The following TMEM156 variants were observed in gnomAD, a reference collection of about 807,000 sequenced individuals.
TMEM156 encodes transmembrane protein 156.
A neutral mutation model predicts 30.5 loss-of-function variants in TMEM156; 28 were observed. The ratio of observed to expected loss-of-function variants is 0.92; its 90% confidence interval spans 0.68 to 1.26. The LOEUF (loss-of-function observed/expected upper bound fraction) is 1.26. TMEM156 is among the 50% of genes most tolerant of loss of function. TMEM156 has a pLI of 0.00. For synonymous variants in TMEM156, 137 were observed against 119.9 expected (o/e 1.14, Z -0.93); for missense variants, 351 against 340.6 (o/e 1.03, Z -0.24).
intron 1 of TMEM156, among the ~76,000 whole-genome samples, chr4:39,031,863 A>G (rs568860049): frequency 7.3e-6 from 1 of 137,760 alleles, no homozygotes; most frequent in East Asian, 2.2e-4. Flanking sequence ...AGCCTGAGCG[A>G]CAGAGACTCC....
chr4:38,984,997 C>CA (rs35466963), intron 5 of TMEM156, among the ~76,000 whole-genome samples: 57,667 of 151,318 alleles, frequency 0.38, 11,022 homozygotes, highest in East Asian at 0.46. Context: ...TATGGGTTGA[C>CA]GGGGGAACTA....
At chr4:38,982,446 G>A (rs980197911) in intron 5 of TMEM156, among the ~76,000 whole-genome samples, 3 of 152,148 alleles carry the variant, frequency 2.0e-5, no homozygotes, top group Non-Finnish European at 4.4e-5. Context: ...TCTACAAAGC[G>A]TACTATGCCT....
intron 3 of TMEM156, among the ~76,000 whole-genome samples, chr4:38,989,286 T>C (rs1262933120): frequency 6.6e-6 from 1 of 152,166 alleles, no homozygotes; most frequent in Non-Finnish European, 1.5e-5. Flanking sequence ...GACCACAACA[T>C]AGCAATCCCA....
At position 38,971,112 on chromosome 4, in the gene TMEM156, C is replaced by T; in HGVS notation, c.849G>A (p.Leu283=). 6.2e-7 allele frequency: 1 copy of T among 1,613,982 alleles called. No individual in the cohort carries two copies. Among genetic ancestry groups the T allele is most frequent in the Non-Finnish European group, 8.5e-7 (1 of 1,179,930 alleles). Residue 283 remains leucine, a synonymous_variant, in exon 6 of 7, where the codon TTG becomes TTA. Transcript: ENST00000381938. ...LSAETTQRLP[L]DQVQEVLPPI... is the part of the protein sequence containing the mutation. ...GGGGAAGCACTTCCTGGACTTGATC[C>T]AAAGGCAGCCTCTGCGTGGTCTCTG...
At chr4:38,996,723 T>C (rs1328770240) in intron 2 of TMEM156, among the ~76,000 whole-genome samples, 1 of 152,232 alleles carries the variant, frequency 6.6e-6, no homozygotes, top group East Asian at 1.9e-4. Flanking sequence ...AGAACCACCA[T>C]ATGATCCAGC....
chr4:38,987,793 C>T (rs747821449), intron 4 of TMEM156, among the ~76,000 whole-genome samples: 4 of 152,158 alleles, frequency 2.6e-5, no homozygotes, highest in Admixed American at 6.5e-5. Context: ...AAATAACTTG[C>T]TTAATGTCAC....
At chr4:38,983,429 T>C (rs963835669) in intron 5 of TMEM156, among the ~76,000 whole-genome samples, 5 of 152,172 alleles carry the variant, frequency 3.3e-5, no homozygotes, top group Non-Finnish European at 7.4e-5. Flanking sequence ...GACACAGTCT[T>C]GCTCTGTTAT....
intron 3 of TMEM156, among the ~76,000 whole-genome samples, chr4:38,990,834 T>TTTTTTTTTGTTTTGTTTTG (rs1560365305): frequency 8.5e-4 from 48 of 56,788 alleles, no homozygotes; most frequent in South Asian, 2.3e-3. Context: ...TTTCTGGTTT[T>TTTTTTTTTGTTTTGTTTTG]TTTTTTTTTT....
chr4:39,031,878 C>CA (rs1421953559), intron 1 of TMEM156, among the ~76,000 whole-genome samples: 20 of 46,688 alleles, frequency 4.3e-4, no homozygotes, highest in Non-Finnish European at 4.0e-4. Context: ...GACTCCATCT[C>CA]AAAAAAAAAA....
At chr4:39,008,679 T>C (rs941711379) in intron 1 of TMEM156, among the ~76,000 whole-genome samples, 1 of 152,064 alleles carries the variant, frequency 6.6e-6, no homozygotes, top group Non-Finnish European at 1.5e-5. Flanking sequence ...ACTCAACAAC[T>C]TGCTCCTGAA....
chr4:38,995,871 G>A (rs1405396028), intron 2 of TMEM156, among the ~76,000 whole-genome samples: 2 of 152,170 alleles, frequency 1.3e-5, no homozygotes, highest in African/African-American at 4.8e-5. Context: ...CACTCATACT[G>A]GAGCCTTGAA....
At chr4:38,995,017 A>C (rs554592947) in intron 2 of TMEM156, among the ~76,000 whole-genome samples, 1 of 151,878 alleles carries the variant, frequency 6.6e-6, no homozygotes, top group African/African-American at 2.4e-5. Flanking sequence ...GGCACGGTTG[A>C]TTTGTTCTGA....
At chr4:38,992,694 TTATATAATATATATATATTATATA>T (rs1712569337) in intron 3 of TMEM156, among the ~76,000 whole-genome samples, 4 of 43,966 alleles carry the variant, frequency 9.1e-5, no homozygotes, top group Admixed American at 2.5e-4. Flanking sequence ...ATATAATATA[TTATATAATATATATATATTATATA>T]TATATAATAT....
chr4:38,999,110 A>ATTTTTTTTTTTTTTT (rs34889728), intron 1 of TMEM156, among the ~76,000 whole-genome samples: 1 of 106,110 alleles, frequency 9.4e-6, no homozygotes, highest in Non-Finnish European at 1.9e-5. Context: ...TTATTTATTT[A>ATTTTTTTTTTTTTTT]TTTTTTTTTT....
chr4:38,996,927 A>G (rs1206997326), intron 2 of TMEM156, among the ~76,000 whole-genome samples: 1 of 152,266 alleles, frequency 6.6e-6, no homozygotes, highest in Non-Finnish European at 1.5e-5. Flanking sequence ...ATAGATAGAT[A>G]GACAGATAGA....
chr4:38,985,630 T>C (rs1711925048), intron 5 of TMEM156, among the ~76,000 whole-genome samples: 1 of 152,212 alleles, frequency 6.6e-6, no homozygotes, highest in African/African-American at 2.4e-5. Flanking sequence ...CGAAGGCACC[T>C]ACTCGCTGGC....
chr4:39,004,149 C>T (rs1328898801), intron 1 of TMEM156, among the ~76,000 whole-genome samples: 1 of 152,086 alleles, frequency 6.6e-6, no homozygotes, highest in Non-Finnish European at 1.5e-5. Context: ...TAACTGCTGC[C>T]ATTAATACTG....
At chr4:39,009,808 G>T (rs1468137142) in intron 1 of TMEM156, among the ~76,000 whole-genome samples, 1 of 152,144 alleles carries the variant, frequency 6.6e-6, no homozygotes, top group Admixed American at 6.5e-5. Flanking sequence ...CCAGGCAAAA[G>T]TTGGAAGTGC....
intron 1 of TMEM156, among the ~76,000 whole-genome samples, chr4:39,013,373 GTTTATTTATTTA>G (rs71192811): frequency 0.11 from 15,183 of 141,192 alleles, 871 homozygotes; most frequent in East Asian, 0.18. Flanking sequence ...GACATAATTG[GTTTATTTATTTA>G]TTTATTTATT....
Sources: gnomAD v4.1 joint callset for allele counts (sites outside exome capture counted in the v4.1 genomes callset) on GRCh38, gnomAD v4.1.1 for gene constraint, MANE v1.5 for transcripts, NCBI Gene and HGNC (gene_info 2026-07-23, HGNC 2026-07-21) for gene names.